Variants in PDIA5 observed in about 807,000 individuals in gnomAD.
PDIA5 encodes the protein protein disulfide-isomerase A5.
PDIA5 carries 58 observed loss-of-function variants against 77.6 expected under a neutral mutation model. The ratio of observed to expected loss-of-function variants is 0.75; its 90% CI spans 0.61 to 0.93. PDIA5 has a LOEUF of 0.93. Among genes scored for constraint, PDIA5 ranks in the 40% least tolerant of loss-of-function variants. PDIA5 has a pLI of 0.00. For missense variants in PDIA5, 630 were observed against 647.7 expected (o/e 0.97, Z 0.30); for synonymous variants, 250 against 252.1 (o/e 0.99, Z 0.08).
chr3:123,155,593 T>A (rs73856856), intron 15 of PDIA5, among the ~76,000 whole-genome samples: 2 of 152,286 alleles, frequency 1.3e-5, no homozygotes, highest in African/African-American at 4.8e-5. Flanking sequence ...GGGCTTCTGC[T>A]GGGAGAGGGC....
chr3:123,101,333 T>C (rs1374890491), intron 3 of PDIA5, among the ~76,000 whole-genome samples: 4 of 152,208 alleles, frequency 2.6e-5, no homozygotes, highest in Non-Finnish European at 5.9e-5. Flanking sequence ...TCCTGGATGA[T>C]GCTGGTGCCA....
intron 2 of PDIA5, among the ~76,000 whole-genome samples, chr3:123,091,508 A>C (rs756912654): frequency 1.3e-5 from 2 of 152,134 alleles, no homozygotes; most frequent in South Asian, 4.1e-4. Context: ...TTTGCAGTGG[A>C]TCATTGCAGG....
At chr3:123,142,925 G>A (rs1935675695) in intron 11 of PDIA5, among the ~76,000 whole-genome samples, 1 of 152,288 alleles carries the variant, frequency 6.6e-6, no homozygotes, top group East Asian at 1.9e-4. Context: ...CCACCTCCAG[G>A]AGGTCTTCTC....
At chr3:123,146,348 C>A in intron 13 of PDIA5, 89 bp downstream of exon 13, 3 of 1,122,426 alleles carry the variant, frequency 2.7e-6, no homozygotes, top group South Asian at 1.4e-5. Flanking sequence ...ACTTTATGGT[C>A]AATGTCCTGG....
intron 6 of PDIA5, among the ~76,000 whole-genome samples, chr3:123,110,568 C>T (rs142393888): frequency 7.4e-4 from 113 of 152,288 alleles, no homozygotes; most frequent in African/African-American, 2.6e-3. Context: ...AACAGCCTCA[C>T]GGGACAAAAA....
chr3:123,134,003 C>T (rs200281585), intron 11 of PDIA5, among the ~76,000 whole-genome samples: 22,749 of 148,378 alleles, frequency 0.15, 2,037 homozygotes, highest in Middle Eastern at 0.22. Context: ...CTTTTCTTTT[C>T]CTTTTCTTTT....
At position 123,101,906 on chromosome 3, in the gene PDIA5, C is replaced by CTTTTTTTTTT. The variant is rs71623603; in HGVS notation, c.258-493_258-484dup. Among the ~76,000 whole-genome samples the CTTTTTTTTTT allele has an allele frequency of 9.9e-3, 708 of 71,386 alleles. 84 individuals carry two copies. The highest frequency in any genetic ancestry group is 0.052 in the Admixed American group (199 of 3,834). The allele number at this position is 71,386 out of a possible 152,430, so 46.8% of individuals were successfully genotyped here. On this transcript the variant is annotated intron_variant, in intron 3 of 16. Transcript: ENST00000316218. ...TCCCCTTCCTTTCCTTTCTTTCTTG[C>CTTTTTTTTTT]TTTTTTTTTTTTTTTTTTTTTGAGA...
chr3:123,162,047 T>C lies in PDIA5; in HGVS notation c.*87T>C. The C allele has an allele frequency of 3.7e-6, 3 of 805,582 alleles. No individual in the cohort carries two copies. The highest frequency in any genetic ancestry group is 6.3e-6 in the Non-Finnish European group (3 of 473,326). 49.9% of individuals were successfully genotyped at this position (805,582 alleles called of 1,614,324 possible). ...AATTTCCACATGTTCTGAAGACAAA[T>C]TTTTTATAGCCGCTTATGGCCATTT... On this transcript the variant is annotated 3_prime_UTR_variant, in exon 17 of 17. Coordinates refer to ENST00000316218, the MANE Select transcript of PDIA5 (RefSeq NM_006810.4).
rs138809419 is a variant in PDIA5 at position 123,136,370 on chromosome 3, C to G, written c.910+5754C>G. ...ATCCCTCACTCTCCACGCCGTGCCC[C>G]TTCTCAGGGCTGGTCACCACTCACA... On this transcript the variant is annotated intron_variant, in intron 11 of 16. Coordinates refer to ENST00000316218, the MANE Select transcript of PDIA5 (RefSeq NM_006810.4). Among the ~76,000 whole-genome samples the G allele has an allele frequency of 4.0e-3, 607 of 152,300 alleles. 2 individuals carry two copies. The highest frequency in any genetic ancestry group is 0.013 in the African/African-American group (559 of 41,552).
intron 8 of PDIA5, among the ~76,000 whole-genome samples, chr3:123,118,271 C>T (rs1935038012): frequency 6.6e-6 from 1 of 152,218 alleles, no homozygotes; most frequent in Non-Finnish European, 1.5e-5. Context: ...AGGGAAGTTT[C>T]ACTTCACATT....
At chr3:123,142,052 G>A (rs1935648043) in intron 11 of PDIA5, among the ~76,000 whole-genome samples, 1 of 152,208 alleles carries the variant, frequency 6.6e-6, no homozygotes, top group African/African-American at 2.4e-5. Flanking sequence ...TGTGGGGAAG[G>A]GGAGGAGAGG....
chr3:123,115,115 G>A (rs1459906128), intron 7 of PDIA5, among the ~76,000 whole-genome samples: 6 of 152,186 alleles, frequency 3.9e-5, no homozygotes, highest in Non-Finnish European at 8.8e-5. Context: ...CCCTGTGCCC[G>A]CTGTGCCAAG....
At chr3:123,087,301 G>A (rs934929441) in intron 1 of PDIA5, among the ~76,000 whole-genome samples, 15 of 152,058 alleles carry the variant, frequency 9.9e-5, no homozygotes, top group East Asian at 7.7e-4. Context: ...GGCATGAGAC[G>A]TTGTGCCAGG....
At chr3:123,105,191 C>A (rs1348369417) in intron 5 of PDIA5, among the ~76,000 whole-genome samples, 1 of 152,206 alleles carries the variant, frequency 6.6e-6, no homozygotes. Flanking sequence ...GAACTCCAGA[C>A]CTTCTCCCTG....
chr3:123,107,727 A>G (rs951972042), intron 6 of PDIA5, among the ~76,000 whole-genome samples: 1 of 152,178 alleles, frequency 6.6e-6, no homozygotes, highest in Non-Finnish European at 1.5e-5. Context: ...GAGAGGGTTC[A>G]TTCCTATCTC....
At chr3:123,127,844 C>T (rs1018346930) in intron 10 of PDIA5, among the ~76,000 whole-genome samples, 3 of 152,204 alleles carry the variant, frequency 2.0e-5, no homozygotes, top group Non-Finnish European at 4.4e-5. Context: ...GGGAATGAGC[C>T]TTCCCTCATT....
At chr3:123,113,572 C>T (rs927272423) in intron 7 of PDIA5, among the ~76,000 whole-genome samples, 2 of 152,134 alleles carry the variant, frequency 1.3e-5, no homozygotes, top group African/African-American at 2.4e-5. Context: ...CAAGGAACCT[C>T]GGGACCCTTT....
At position 123,112,555 on chromosome 3, in the gene PDIA5, T is replaced by C. The variant is rs866723888; in HGVS notation, c.541+1551T>C. Among the ~76,000 whole-genome samples the C allele has an allele frequency of 3.1e-3, 437 of 142,958 alleles. 3 individuals are homozygous for C. Among genetic ancestry groups the C allele is most frequent in the African/African-American group, 0.011 (407 of 38,296 alleles). The allele number at this position is 142,958 out of a possible 152,430, so 93.8% of individuals were successfully genotyped here. ...TATTCTTTTTTTTTTTTTTTTTTTT[T>C]TTTTTGGTTTTGAGACAGAGCCTTG... is the stretch of plus-strand genomic sequence containing the variant. On this transcript the variant is annotated intron_variant, in intron 7 of 16. Coordinates refer to ENST00000316218, the MANE Select transcript of PDIA5 (RefSeq NM_006810.4).
intron 7 of PDIA5, among the ~76,000 whole-genome samples, chr3:123,112,639 C>T (rs1934893179): frequency 6.6e-6 from 1 of 151,280 alleles, no homozygotes; most frequent in Non-Finnish European, 1.5e-5. Flanking sequence ...ACCTCCGCCC[C>T]CCGGGTTCAA....
Sources: gnomAD v4.1 joint callset for allele counts (sites outside exome capture counted in the v4.1 genomes callset) on GRCh38, gnomAD v4.1.1 for gene constraint, MANE v1.5 for transcripts, NCBI Gene and HGNC (gene_info 2026-07-23, HGNC 2026-07-21) for gene names.